The following KCNQ1 variants were observed in gnomAD, a reference collection of about 807,000 sequenced individuals.
The protein encoded by KCNQ1 is potassium voltage-gated channel subfamily Q member 1, also known as potassium voltage-gated channel subfamily KQT member 1.
A neutral mutation model predicts 72.4 loss-of-function variants in KCNQ1; 49 were observed. The ratio of observed to expected loss-of-function variants is 0.68; its 90% CI spans 0.54 to 0.86. KCNQ1 has a LOEUF of 0.86. Ranked by LOEUF, KCNQ1 falls within the 40% of genes least tolerant of loss-of-function variation. The pLI, the probability that KCNQ1 is intolerant of heterozygous loss-of-function variation, is 0.00. For synonymous variants in KCNQ1, 450 were observed against 412.6 expected, an observed-to-expected ratio of 1.09 and a Z score of -1.10; for missense variants, 790 against 945.1, an observed-to-expected ratio of 0.84 and a Z score of 2.15.
At position 2,566,272 on chromosome 11, in the gene KCNQ1, C is replaced by T. The variant is rs1848246109; in HGVS notation, c.478-4356C>T. Reference sequence around the variant, plus strand: ...GCAGTAACAGGGCCACTTCCAGAACCACCACCATGCCCAGGTCATGTCTGT... The same window carrying T: ...GCAGTAACAGGGCCACTTCCAGAACTACCACCATGCCCAGGTCATGTCTGT... On this transcript the variant is annotated intron_variant, in intron 2 of 15. Transcript: ENST00000155840. This position sits in a 1 kb window ranked among gnomAD's most constrained non-coding sequence, Gnocchi z 6.7. Among the ~76,000 whole-genome samples the T allele has an allele frequency of 6.6e-6, 1 of 152,222 alleles. No homozygotes were observed. Among genetic ancestry groups the T allele is most frequent in the African/African-American group, 2.4e-5 (1 of 41,454 alleles).
intron 2 of KCNQ1, among the ~76,000 whole-genome samples, chr11:2,539,551 G>T (rs1457372087): frequency 1.3e-5 from 2 of 152,228 alleles, no homozygotes; most frequent in South Asian, 2.1e-4. Context: ...GGCTGTGCTG[G>T]CCGAAGGGAA....
At chr11:2,591,080 G>A (rs990316408) in intron 10 of KCNQ1, among the ~76,000 whole-genome samples, 11 of 152,328 alleles carry the variant, frequency 7.2e-5, no homozygotes, top group East Asian at 1.9e-4. Flanking sequence ...GGACTAACCC[G>A]AATGTCTCAG....
At chr11:2,708,259 A>C (rs961651373) in intron 11 of KCNQ1, among the ~76,000 whole-genome samples, 4 of 150,190 alleles carry the variant, frequency 2.7e-5, no homozygotes, top group Admixed American at 2.6e-4. Flanking sequence ...TGACTTTGAC[A>C]CTCTTCTCAA....
chr11:2,517,502 G>A (rs578206044), intron 1 of KCNQ1, among the ~76,000 whole-genome samples: 12 of 152,276 alleles, frequency 7.9e-5, no homozygotes, highest in Admixed American at 3.9e-4. Flanking sequence ...GGCCTGTGGC[G>A]CCTCACCTCT....
intron 11 of KCNQ1, chr11:2,675,267 T>A: frequency 2.5e-6 from 1 of 398,612 alleles, no homozygotes; most frequent in Non-Finnish European, 4.4e-6. Context: ...GAAGTGAAGA[T>A]AACTCACCTC....
intron 15 of KCNQ1, among the ~76,000 whole-genome samples, chr11:2,805,316 C>T (rs141153114): frequency 6.6e-6 from 1 of 152,340 alleles, no homozygotes; most frequent in Non-Finnish European, 1.5e-5. Context: ...AAGCTGCTAC[C>T]AGACAGCAAG....
Position 2,551,847 on chromosome 11 carries a change from C to T in KCNQ1, c.478-18781C>T, listed in dbSNP as rs113496725. Among the ~76,000 whole-genome samples the T allele has an allele frequency of 4.8e-3, 737 of 152,314 alleles. 4 individuals carry two copies. Among genetic ancestry groups the T allele is most frequent in the African/African-American group, 0.016 (665 of 41,568 alleles). On this transcript the variant is annotated intron_variant, in intron 2 of 15. Coordinates refer to ENST00000155840, the MANE Select transcript of KCNQ1 (RefSeq NM_000218.3). ...GTCTTCATTTGCATTTCCCTAGTGA[C>T]GAATGGTGTTGGGCATATTTGCCAT...
chr11:2,671,534 T>G lies in KCNQ1; in HGVS notation c.1514+9453T>G, dbSNP rs1385000909. 2.3e-5 allele frequency: 9 copies of G among 398,516 alleles called. No individual in the cohort carries two copies. The highest frequency in any genetic ancestry group is 4.0e-5 in the Non-Finnish European group (9 of 226,094). 24.7% of individuals were successfully genotyped at this position (398,516 alleles called of 1,614,324 possible). The stretch of plus-strand genomic sequence containing the variant: ...TCAAGGGATTTTTCAAAGGTTAATT[T>G]TGACTCTGCCTGACTTATCTCCTAA... On this transcript the variant is annotated intron_variant, in intron 11 of 15. Transcript: ENST00000155840. This position sits in a 1 kb window ranked among gnomAD's most constrained non-coding sequence, Gnocchi z 4.7.
chr11:2,610,815 C>G, intron 10 of KCNQ1: 1 of 382,646 alleles, frequency 2.6e-6, no homozygotes, highest in East Asian at 3.8e-5. Flanking sequence ...AAAGTCAGCT[C>G]CACATTTGTC....
chr11:2,841,758 G>A (rs746711937), intron 15 of KCNQ1, among the ~76,000 whole-genome samples: 3 of 152,226 alleles, frequency 2.0e-5, no homozygotes, highest in African/African-American at 4.8e-5. Context: ...CCCCACAGTC[G>A]TCAGCCAGGG....
chr11:2,582,988 G>A (rs750114225), intron 6 of KCNQ1, among the ~76,000 whole-genome samples: 2 of 152,082 alleles, frequency 1.3e-5, no homozygotes, highest in African/African-American at 2.4e-5. Flanking sequence ...CTGGAGTGGC[G>A]TCAGGAAGCA....
intron 11 of KCNQ1, chr11:2,666,871 A>G (rs778110749): frequency 1.8e-4 from 70 of 398,670 alleles, no homozygotes; most frequent in South Asian, 8.9e-4. Context: ...GCTTGTCAAG[A>G]ACAGATGAGA....
chr11:2,671,130 G>A lies in KCNQ1; in HGVS notation c.1514+9049G>A, dbSNP rs1053548356. 1.5e-5 allele frequency: 6 copies of A among 398,530 alleles called. No homozygotes were observed. The highest frequency in any genetic ancestry group is 2.7e-5 in the Non-Finnish European group (6 of 226,094). The allele number at this position is 398,530 out of a possible 1,614,324, so 24.7% of individuals were successfully genotyped here. A position where few individuals can be genotyped will look rare whatever the true frequency, so the allele number is the denominator to read the frequency against. On this transcript the variant is annotated intron_variant, in intron 11 of 15. Transcript: ENST00000155840. The surrounding 1 kb of genome is among the most constrained non-coding windows in gnomAD (Gnocchi z 4.7). The stretch of plus-strand genomic sequence containing the variant: ...AGCAGTTAGTCTGTCAGGCCTGGTT[G>A]GTCCCATGGGAGGCCTGAGGTGCCA...
chr11:2,573,625 G>C (rs371768925), intron 6 of KCNQ1, among the ~76,000 whole-genome samples: 2 of 152,208 alleles, frequency 1.3e-5, no homozygotes, highest in East Asian at 1.9e-4. Flanking sequence ...TGTGGGCCCA[G>C]AGGCTGCCCC....
intron 10 of KCNQ1, chr11:2,638,480 T>G (rs1293327827): frequency 6.6e-6 from 1 of 152,240 alleles, no homozygotes; most frequent in African/African-American, 2.4e-5. Context: ...AATTCTTTTC[T>G]TTAAGAATGT....
chr11:2,796,310 C>T (rs186080519), intron 15 of KCNQ1, among the ~76,000 whole-genome samples: 23 of 152,300 alleles, frequency 1.5e-4, no homozygotes, highest in African/African-American at 3.4e-4. Context: ...TTGAGATCAC[C>T]GCCTGGCTAA....
rs1850568059 is a variant in KCNQ1, at chr11:2,690,344, T to G, written c.1514+28263T>G. 1 of 398,606 alleles carries G rather than the reference T, an allele frequency of 2.5e-6. No individual in the cohort carries two copies. The highest frequency in any genetic ancestry group is 2.1e-5 in the African/African-American group (1 of 48,650). 24.7% of individuals were successfully genotyped at this position (398,606 alleles called of 1,614,324 possible). Reference sequence around the variant, plus strand: ...AATGATGTCAAGTCTGAGGCTGCCCTGCAGCTGCTGTTTCCACTACTTGGC... The same window carrying G: ...AATGATGTCAAGTCTGAGGCTGCCCGGCAGCTGCTGTTTCCACTACTTGGC... On this transcript the variant is annotated intron_variant, in intron 11 of 15. Transcript: ENST00000155840. The surrounding 1 kb of genome is among the most constrained non-coding windows in gnomAD (Gnocchi z 5.1).
rs234843 is a variant in KCNQ1, at chr11:2,813,666, C to T, written c.1795-34101C>T. 0.98 allele frequency among the ~76,000 whole-genome samples: 149,538 copies of T among 152,124 alleles called. 73,539 individuals are homozygous for T. Among genetic ancestry groups the T allele is most frequent in the East Asian group, 1 (5,130 of 5,130 alleles). On this transcript the variant is annotated intron_variant, in intron 15 of 15. Coordinates refer to ENST00000155840, the MANE Select transcript of KCNQ1 (RefSeq NM_000218.3). This position sits in a 1 kb window ranked among gnomAD's most constrained non-coding sequence, Gnocchi z 4.4. ...CGGCTGATCCTGGTCTATTTTTAGTCGGTGGTGGGCTGTCACTCCGGAGGC... is the reference window on the plus strand; with the variant it reads ...CGGCTGATCCTGGTCTATTTTTAGTTGGTGGTGGGCTGTCACTCCGGAGGC...
chr11:2,455,712 A>G (rs992501711), intron 1 of KCNQ1, among the ~76,000 whole-genome samples: 3 of 152,246 alleles, frequency 2.0e-5, no homozygotes, highest in Non-Finnish European at 2.9e-5. Flanking sequence ...AGAAAAAACT[A>G]TTCTAACATT....
Sources: allele counts gnomAD v4.1 joint callset (sites outside exome capture counted in the v4.1 genomes callset), GRCh38; gene constraint gnomAD v4.1.1; non-coding constraint Gnocchi (gnomAD v3.1); transcripts MANE v1.5; gene names NCBI Gene and HGNC (gene_info 2026-07-23, HGNC 2026-07-21).